PLCB1: variants seen among roughly 807,000 people sequenced by gnomAD.
PLCB1 encodes the protein 1-phosphatidylinositol 4,5-bisphosphate phosphodiesterase beta-1.
PLCB1 carries 46 observed loss-of-function variants against 161.8 expected under a neutral mutation model. That is an observed-to-expected ratio of 0.28 (90% confidence interval 0.22 to 0.36). The LOEUF is 0.36. Among genes scored for constraint, PLCB1 ranks in the 10% least tolerant of loss-of-function variants. The pLI, the probability that PLCB1 is intolerant of heterozygous loss-of-function variation, is 1.00. For missense variants in PLCB1, 1,016 were observed against 1,472.5 expected (o/e 0.69, Z 5.07); for synonymous variants, 517 against 503.7 (o/e 1.03, Z -0.35).
At chr20:8,201,534 A>G (rs572516929) in intron 2 of PLCB1, among the ~76,000 whole-genome samples, 1 of 152,314 alleles carries the variant, frequency 6.6e-6, no homozygotes, top group Admixed American at 6.5e-5. Context: ...CTGAATCTCT[A>G]CGTAATTCAA....
intron 3 of PLCB1, among the ~76,000 whole-genome samples, chr20:8,558,336 A>G (rs191446003): frequency 3.2e-4 from 49 of 151,940 alleles, no homozygotes; most frequent in Admixed American, 7.2e-4. Flanking sequence ...ATAAATAAAT[A>G]TAAATGAATC....
At chr20:8,875,597 G>C (rs920664333) in intron 31 of PLCB1, among the ~76,000 whole-genome samples, 8 of 149,488 alleles carry the variant, frequency 5.4e-5, no homozygotes, top group African/African-American at 2.0e-4. Flanking sequence ...ACACTTCATT[G>C]GGCAAAATGA....
At chr20:8,237,088 C>A (rs1481107118) in intron 2 of PLCB1, among the ~76,000 whole-genome samples, 1 of 151,914 alleles carries the variant, frequency 6.6e-6, no homozygotes, top group Non-Finnish European at 1.5e-5. Context: ...AGTCCTCAAG[C>A]CCTTTAATTC....
chr20:8,375,997 C>CAACA (rs1987066041), intron 3 of PLCB1, among the ~76,000 whole-genome samples: 1 of 149,058 alleles, frequency 6.7e-6, no homozygotes, highest in African/African-American at 2.5e-5. Context: ...GGTACTATGC[C>CAACA]AACAAAAAGG....
At chr20:8,658,908 A>G (rs1290414237) in intron 9 of PLCB1, among the ~76,000 whole-genome samples, 1 of 152,114 alleles carries the variant, frequency 6.6e-6, no homozygotes, top group African/African-American at 2.4e-5. Context: ...TTGTTGTTAT[A>G]TGTATAGATG....
At chr20:8,548,327 T>C (rs1985641200) in intron 3 of PLCB1, among the ~76,000 whole-genome samples, 1 of 143,404 alleles carries the variant, frequency 7.0e-6, no homozygotes. Flanking sequence ...CCATCATTTT[T>C]TCTTTCTCTT....
intron 10 of PLCB1, among the ~76,000 whole-genome samples, chr20:8,695,568 C>T (rs951236870): frequency 1.3e-5 from 2 of 152,014 alleles, no homozygotes; most frequent in Admixed American, 6.5e-5. Context: ...TGAGCATGCT[C>T]GTGCACATCT....
At chr20:8,179,621 G>T (rs77267831) in intron 2 of PLCB1, among the ~76,000 whole-genome samples, 1 of 152,048 alleles carries the variant, frequency 6.6e-6, no homozygotes, top group African/African-American at 2.4e-5. Context: ...CTTTCTATCT[G>T]CATGTCTTTT....
chr20:8,270,892 C>T (rs2123262958), intron 2 of PLCB1, among the ~76,000 whole-genome samples: 1 of 152,060 alleles, frequency 6.6e-6, no homozygotes, highest in East Asian at 1.9e-4. Flanking sequence ...ATTATGGAGC[C>T]ACTGTTACAT....
At chr20:8,407,167 A>T (rs544166634) in intron 3 of PLCB1, among the ~76,000 whole-genome samples, 10 of 152,232 alleles carry the variant, frequency 6.6e-5, no homozygotes, top group African/African-American at 1.2e-4. Flanking sequence ...TGAAAATAAA[A>T]TTTTTTTTAA....
At chr20:8,849,318 A>G (rs1986806101) in intron 31 of PLCB1, among the ~76,000 whole-genome samples, 1 of 152,150 alleles carries the variant, frequency 6.6e-6, no homozygotes, top group Non-Finnish European at 1.5e-5. Flanking sequence ...CATTTTATGT[A>G]AGGAAACTGA....
chr20:8,727,318 A>C lies in PLCB1; in HGVS notation c.1688A>C (p.Lys563Thr). ...TTGTTGCTTAACTCAGAAAGAAATA[A>C]AAGTTTTGAAATGTCTTCCTTCGTG... ...ESFEISKKRN[K>T]SFEMSSFVET... The change falls in exon 17 of 32, where the codon AAA becomes ACA. Residue 563 changes from lysine (K) to threonine (T), a missense_variant. Coordinates refer to ENST00000338037, the MANE Select transcript of PLCB1 (RefSeq NM_015192.4). The C allele has an allele frequency of 6.3e-7, 1 of 1,589,706 alleles. No individual in the cohort carries two copies. The highest frequency in any genetic ancestry group is 8.6e-7 in the Non-Finnish European group (1 of 1,160,616).
chr20:8,682,217 C>CT (rs1488190942), intron 9 of PLCB1, among the ~76,000 whole-genome samples: 4 of 152,076 alleles, frequency 2.6e-5, no homozygotes, highest in Non-Finnish European at 5.9e-5. Flanking sequence ...AGCACGTGCC[C>CT]AGGCCCAGCT....
chr20:8,419,618 G>A (rs1174124966), intron 3 of PLCB1, among the ~76,000 whole-genome samples: 1 of 151,868 alleles, frequency 6.6e-6, no homozygotes, highest in East Asian at 1.9e-4. Context: ...AGTGTTCTGA[G>A]CATGTTTAAG....
At chr20:8,142,856 C>CT (rs1389396090) in intron 1 of PLCB1, among the ~76,000 whole-genome samples, 1 of 152,194 alleles carries the variant, frequency 6.6e-6, no homozygotes, top group Non-Finnish European at 1.5e-5. Context: ...TGGAACAATG[C>CT]TTTTAATTTC....
intron 2 of PLCB1, among the ~76,000 whole-genome samples, chr20:8,197,616 T>A (rs541883989): frequency 1.3e-5 from 2 of 152,206 alleles, no homozygotes; most frequent in Non-Finnish European, 2.9e-5. Flanking sequence ...GGTTGCCTGT[T>A]CACTCTGATA....
At chr20:8,571,815 G>A (rs1986528163) in intron 3 of PLCB1, among the ~76,000 whole-genome samples, 1 of 152,168 alleles carries the variant, frequency 6.6e-6, no homozygotes, top group Non-Finnish European at 1.5e-5. Flanking sequence ...ACACTTTATG[G>A]ACATTTAAAG....
chr20:8,377,073 C>T (rs1018649053), intron 3 of PLCB1, among the ~76,000 whole-genome samples: 7 of 152,138 alleles, frequency 4.6e-5, no homozygotes, highest in African/African-American at 1.4e-4. Context: ...CAATACACAC[C>T]ATGTCCAGTA....
At chr20:8,838,241 A>G (rs757614168) in intron 31 of PLCB1, among the ~76,000 whole-genome samples, 2 of 152,138 alleles carry the variant, frequency 1.3e-5, no homozygotes, top group African/African-American at 2.4e-5. Flanking sequence ...TATACTGTTC[A>G]TCTTTCTCCC....
Sources: allele counts gnomAD v4.1 joint callset (sites outside exome capture counted in the v4.1 genomes callset), GRCh38; gene constraint gnomAD v4.1.1; transcripts MANE v1.5; gene names NCBI Gene and HGNC (gene_info 2026-07-23, HGNC 2026-07-21).